Variants in PSD4 observed in about 807,000 individuals in gnomAD.
PSD4 encodes pleckstrin and Sec7 domain containing 4.
PSD4 carries 59 observed loss-of-function variants against 112.5 expected under a neutral mutation model. That is an observed-to-expected ratio of 0.52 (90% CI 0.43 to 0.65). The LOEUF is 0.65. Ranked by LOEUF, PSD4 falls within the 30% of genes least tolerant of loss-of-function variation. The probability of loss-of-function intolerance (pLI) is 0.00; values close to 1 mark genes in which losing one functional copy is unlikely to be tolerated. For synonymous variants in PSD4, 533 were observed against 540.0 expected, an observed-to-expected ratio of 0.99 and a Z score of 0.18; for missense variants, 1,267 against 1,352.6, an observed-to-expected ratio of 0.94 and a Z score of 0.99.
intron 5 of PSD4, among the ~76,000 whole-genome samples, chr2:113,187,984 A>G (rs546726755): frequency 6.6e-6 from 1 of 152,346 alleles, no homozygotes; most frequent in East Asian, 1.9e-4. Flanking sequence ...AAGACCTCAC[A>G]AGTCACGTGG....
intron 5 of PSD4, among the ~76,000 whole-genome samples, chr2:113,187,839 GT>G (rs1291613161): frequency 6.6e-6 from 1 of 152,180 alleles, no homozygotes; most frequent in Non-Finnish European, 1.5e-5. Context: ...GTCTTTGCTG[GT>G]GACTTCTCAC....
intron 1 of PSD4, among the ~76,000 whole-genome samples, chr2:113,174,960 G>C (rs1325943729): frequency 2.0e-5 from 3 of 152,160 alleles, no homozygotes; most frequent in Admixed American, 2.0e-4. Flanking sequence ...GCTTTAAAAA[G>C]TGGTCCCCAA....
In PSD4 at chr2:113,201,517, G is replaced by A. The variant is rs1478758836; in HGVS notation, c.*102G>A. 5 of 1,460,090 alleles carry A rather than the reference G, an allele frequency of 3.4e-6. No homozygotes were observed. Among genetic ancestry groups the A allele is most frequent in the South Asian group, 2.6e-5 (2 of 77,396 alleles). The allele number at this position is 1,460,090 out of a possible 1,614,324, so 90.4% of individuals were successfully genotyped here. A position where few individuals can be genotyped will look rare whatever the true frequency, so the allele number is the denominator to read the frequency against. On this transcript the variant is annotated 3_prime_UTR_variant, in exon 17 of 17. Coordinates refer to ENST00000245796, the MANE Select transcript of PSD4 (RefSeq NM_012455.3). ...TCAATGAGTCCACCATGACGGATGA[G>A]GCACCTCCTTTCCCTGCTGAAGGAC...
In PSD4 at chr2:113,185,345, G is replaced by A. The variant is rs551098773; in HGVS notation, c.1174-20G>A. 4 of 1,613,994 alleles carry A rather than the reference G, an allele frequency of 2.5e-6. No homozygotes were observed. Among genetic ancestry groups the A allele is most frequent in the Non-Finnish European group, 3.4e-6 (4 of 1,179,898 alleles). ...CTGTGTATCCAGGGCTCATGGGAAT[G>A]CCTTTGCCTCTCTCAACAGGCCTCT... On this transcript the variant is annotated intron_variant, in intron 3 of 16. Transcript: ENST00000245796.
rs919228552 is a variant in PSD4 at position 113,192,682 on chromosome 2, C to T, written c.1838+93C>T. On this transcript the variant is annotated intron_variant, in intron 6 of 16. Transcript: ENST00000245796. ...CCTCCACTGGCCACCCTCCCCTTCC[C>T]GTCCCTGCCCTGTTCCCTTCCCATC... is the stretch of plus-strand genomic sequence containing the variant. 170 of 1,315,672 alleles carry T rather than the reference C, an allele frequency of 1.3e-4. No individual in the cohort carries two copies. The African/African-American group carries it at 2.0e-3, about 15-fold the overall frequency. The allele number at this position is 1,315,672 out of a possible 1,614,324, so 81.5% of individuals were successfully genotyped here. A position where few individuals can be genotyped will look rare whatever the true frequency, so the allele number is the denominator to read the frequency against.
At position 113,199,203 on chromosome 2, in the gene PSD4, C is replaced by A; in HGVS notation, c.2890C>A (p.Arg964=). 2.6e-6 allele frequency: 4 copies of A among 1,516,154 alleles called. No individual in the cohort carries two copies. Among genetic ancestry groups the A allele is most frequent in the Non-Finnish European group, 8.8e-7 (1 of 1,135,704 alleles). The allele number at this position is 1,516,154 out of a possible 1,614,324, so 93.9% of individuals were successfully genotyped here. A position where few individuals can be genotyped will look rare whatever the true frequency, so the allele number is the denominator to read the frequency against. ...CCGCGAGCTGGAGGAGCACCGCCTG[C>A]GGAAGGAGTACCTGGAGTACGAGGT... ...RGRELEEHRL[R]KEYLEYEKTR... is the part of the protein sequence containing the mutation. The change falls in exon 16 of 17, where the codon CGG becomes AGG. Residue 964 remains arginine (R), a synonymous_variant. Transcript: ENST00000245796.
intron 9 of PSD4, 44 bp downstream of exon 9, chr2:113,193,694 A>G (rs771866661): frequency 5.0e-6 from 8 of 1,593,434 alleles, no homozygotes; most frequent in Non-Finnish European, 6.9e-6. Flanking sequence ...AGGCTGTAAC[A>G]AGGGGTGCGG....
intron 10 of PSD4, among the ~76,000 whole-genome samples, chr2:113,194,246 A>G (rs932884145): frequency 6.6e-6 from 1 of 152,186 alleles, no homozygotes; most frequent in African/African-American, 2.4e-5. Context: ...TTACCCCTTC[A>G]AAGTCTGAGA....
At chr2:113,192,924 G>T (rs963297240) in intron 6 of PSD4, 124 bp from the exon 7 acceptor site, 1 of 929,850 alleles carries the variant, frequency 1.1e-6, no homozygotes, top group Non-Finnish European at 1.6e-6. Context: ...AAGGCCCAGC[G>T]TGCCTGCACC....
Position 113,201,285 on chromosome 2 carries a change from TGAA to T in PSD4, c.3046_3048del (p.Lys1016del), listed in dbSNP as rs745846773. ...GGCACTCGGGAGCCCAAGCTCAGCC[TGAA>T]GAAGTCCCACTCGAGCCCGTCCCTG... On this transcript the variant is annotated inframe_deletion, in exon 17 of 17. Transcript: ENST00000245796. 6.2e-7 allele frequency: 1 copy of T among 1,614,148 alleles called. No homozygotes were observed. Among genetic ancestry groups the T allele is most frequent in the Admixed American group, 1.7e-5 (1 of 60,020 alleles).
chr2:113,196,976 G>A (rs1040709139), intron 12 of PSD4, among the ~76,000 whole-genome samples: 5 of 152,262 alleles, frequency 3.3e-5, no homozygotes, highest in East Asian at 1.9e-4. Flanking sequence ...AGGCTGGGGC[G>A]ACCAGGATGG....
At chr2:113,196,024 G>A (rs758152436) in intron 11 of PSD4, 123 bp from the exon 12 acceptor site, 30 of 1,287,158 alleles carry the variant, frequency 2.3e-5, no homozygotes, top group Non-Finnish European at 2.9e-5. Flanking sequence ...AGGACTCCTT[G>A]TGGGGGGTCC....
At chr2:113,187,068 A>T (rs1029946076) in intron 5 of PSD4, among the ~76,000 whole-genome samples, 8 of 152,144 alleles carry the variant, frequency 5.3e-5, no homozygotes, top group Non-Finnish European at 1.0e-4. Flanking sequence ...GGCCCGGAGG[A>T]GCTGGACCCA....
At chr2:113,180,168 A>T (rs1688089212) in intron 1 of PSD4, among the ~76,000 whole-genome samples, 1 of 152,072 alleles carries the variant, frequency 6.6e-6, no homozygotes, top group Admixed American at 6.5e-5. Context: ...TTCGTGAGAG[A>T]GCGCTGAGGG....
At position 113,203,994 on chromosome 2, in the gene PSD4, G is replaced by C. The variant is rs1048322936; in HGVS notation, c.*2579G>C. 2.6e-5 allele frequency: 4 copies of C among 152,286 alleles called. No homozygotes were observed. The highest frequency in any genetic ancestry group is 1.9e-4 in the East Asian group (1 of 5,194). The allele number at this position is 152,286 out of a possible 1,614,324, so 9.4% of individuals were successfully genotyped here. A position where few individuals can be genotyped will look rare whatever the true frequency, so the allele number is the denominator to read the frequency against. On this transcript the variant is annotated 3_prime_UTR_variant, in exon 17 of 17. Coordinates refer to ENST00000245796, the MANE Select transcript of PSD4 (RefSeq NM_012455.3). ...TGAGCACGTGGAATCTTCAGAGCCA[G>C]ATGATGGTGGCTGCCTGGCCTGCCA... is the stretch of plus-strand genomic sequence containing the variant.
rs772237905 is a variant in PSD4, at chr2:113,196,216, C to G, written c.2295C>G (p.Pro765=). ...TGCCAGCTGGCAAGATGAGCAAGCC[C>G]TTCCTTCAGCTGGCTCAGGATCCCA... The part of the protein sequence containing the change: ...PSLPAGKMSK[P]FLQLAQDPTV... Residue 765 remains proline, a synonymous_variant, in exon 12 of 17, where the codon CCC becomes CCG. Coordinates refer to ENST00000245796, the MANE Select transcript of PSD4 (RefSeq NM_012455.3). 1.2e-6 allele frequency: 2 copies of G among 1,614,152 alleles called. No individual in the cohort carries two copies. The highest frequency in any genetic ancestry group is 3.3e-5 in the Admixed American group (2 of 60,032).
In PSD4 at chr2:113,207,624, T is replaced by TA; in HGVS notation, c.*6209_*6210insA. ...GGCGCCCGCTACCATGCCCGGCTAA[T>TA]TTTTTTGTATTTTTAGTAGAGACGG... On this transcript the variant is annotated 3_prime_UTR_variant, in exon 17 of 17. Coordinates refer to ENST00000245796, the MANE Select transcript of PSD4 (RefSeq NM_012455.3). The TA allele has an allele frequency of 6.6e-6, 1 of 151,380 alleles. No homozygotes were observed. Among genetic ancestry groups the TA allele is most frequent in the Non-Finnish European group, 1.5e-5 (1 of 67,846 alleles). The allele number at this position is 151,380 out of a possible 1,614,324, so 9.4% of individuals were successfully genotyped here. A position where few individuals can be genotyped will look rare whatever the true frequency, so the allele number is the denominator to read the frequency against.
In PSD4 at chr2:113,209,037, A is replaced by T. The variant is rs1688904460; in HGVS notation, c.*7622A>T. 1 of 152,168 alleles carries T rather than the reference A, an allele frequency of 6.6e-6. No homozygotes were observed. The highest frequency in any genetic ancestry group is 1.5e-5 in the Non-Finnish European group (1 of 68,040). 9.4% of individuals were successfully genotyped at this position (152,168 alleles called of 1,614,324 possible). ...CTGCCATGTTTTGAGGACATTATCC[A>T]CGCTAGTCTCTTTCATCTGGGCCGA... On this transcript the variant is annotated 3_prime_UTR_variant, in exon 17 of 17. Coordinates refer to ENST00000245796, the MANE Select transcript of PSD4 (RefSeq NM_012455.3).
intron 1 of PSD4, among the ~76,000 whole-genome samples, chr2:113,179,139 A>C (rs1056535746): frequency 1.3e-5 from 2 of 151,918 alleles, no homozygotes; most frequent in Admixed American, 1.3e-4. Context: ...TTGGGGAGGG[A>C]GATTTGGGGT....
Sources: gnomAD v4.1 joint callset for allele counts (sites outside exome capture counted in the v4.1 genomes callset) on GRCh38, gnomAD v4.1.1 for gene constraint, MANE v1.5 for transcripts, NCBI Gene and HGNC (gene_info 2026-07-23, HGNC 2026-07-21) for gene names.